The following DDX4 variants were observed in gnomAD, a reference collection of about 807,000 sequenced individuals.
DDX4 encodes the protein DEAD-box helicase 4.
A neutral mutation model predicts 100.0 loss-of-function variants in DDX4; 25 were observed. The ratio of observed to expected loss-of-function variants is 0.25; its 90% confidence interval spans 0.18 to 0.35. The LOEUF is 0.35. DDX4 is among the 10% of genes least tolerant of loss of function. The probability of loss-of-function intolerance (pLI) is 1.00; values close to 1 mark genes in which losing one functional copy is unlikely to be tolerated. For missense variants in DDX4, 635 were observed against 882.4 expected (o/e 0.72, Z 3.55); for synonymous variants, 259 against 275.7 (o/e 0.94, Z 0.60).
intron 18 of DDX4, among the ~76,000 whole-genome samples, chr5:55,806,248 A>G (rs1215632952): frequency 7.9e-5 from 12 of 151,788 alleles, no homozygotes; most frequent in Admixed American, 7.9e-4. Context: ...CAGTCTGTCA[A>G]TTTTGTTGAT....
At chr5:55,795,698 A>G in intron 17 of DDX4, among the ~76,000 whole-genome samples, 1 of 152,166 alleles carries the variant, frequency 6.6e-6, no homozygotes, top group Non-Finnish European at 1.5e-5. Context: ...TCTTGAGCCC[A>G]GGAAGTTGAG....
At chr5:55,767,136 A>T (rs1487456635) in intron 6 of DDX4, among the ~76,000 whole-genome samples, 2 of 152,204 alleles carry the variant, frequency 1.3e-5, no homozygotes, top group Non-Finnish European at 2.9e-5. Flanking sequence ...AAATGTCTTG[A>T]GTTTATTAAG....
At chr5:55,777,033 A>G (rs943106483) in intron 7 of DDX4, among the ~76,000 whole-genome samples, 3 of 152,198 alleles carry the variant, frequency 2.0e-5, no homozygotes, top group Non-Finnish European at 2.9e-5. Flanking sequence ...CAGAGAAGGG[A>G]TAAGATAAAA....
At chr5:55,750,301 T>C (rs760950964) in intron 3 of DDX4, 4 of 155,054 alleles carry the variant, frequency 2.6e-5, no homozygotes, top group Admixed American at 6.5e-5. Context: ...CTTGATCTTA[T>C]TGGCAGCAGT....
chr5:55,794,714 T>C (rs1742814013), intron 17 of DDX4, among the ~76,000 whole-genome samples: 1 of 152,218 alleles, frequency 6.6e-6, no homozygotes, highest in Non-Finnish European at 1.5e-5. Flanking sequence ...TCTGGGGATA[T>C]ATGTTAAACA....
chr5:55,750,649 TG>T (rs769023653), intron 3 of DDX4, among the ~76,000 whole-genome samples: 1 of 152,130 alleles, frequency 6.6e-6, no homozygotes, highest in Non-Finnish European at 1.5e-5. Context: ...CATAACTAAT[TG>T]AAGGCAGGCT....
At chr5:55,752,326 C>A (rs1360471040) in intron 3 of DDX4, among the ~76,000 whole-genome samples, 1 of 114,628 alleles carries the variant, frequency 8.7e-6, no homozygotes, top group African/African-American at 3.3e-5. Flanking sequence ...AATGCTATCC[C>A]TCCCCCCTCC....
intron 14 of DDX4, among the ~76,000 whole-genome samples, chr5:55,786,998 T>G (rs1742286666): frequency 6.6e-6 from 1 of 152,230 alleles, no homozygotes; most frequent in Admixed American, 6.5e-5. Flanking sequence ...ATTTCTGTAT[T>G]ATAGCTGGTA....
intron 16 of DDX4, among the ~76,000 whole-genome samples, chr5:55,791,006 A>G (rs1046789081): frequency 6.6e-6 from 1 of 152,222 alleles, no homozygotes; most frequent in African/African-American, 2.4e-5. Flanking sequence ...CAGAATCCAT[A>G]TTCTACATCC....
At position 55,792,766 on chromosome 5, in the gene DDX4, A is replaced by G; in HGVS notation, c.1428A>G (p.Gln476=). 1.3e-6 allele frequency: 2 copies of G among 1,581,656 alleles called. No homozygotes were observed. Among genetic ancestry groups the G allele is most frequent in the South Asian group, 1.2e-5 (1 of 85,218 alleles). ...CPGMPSKEQR[Q]TLMFSATFPE... is the part of the protein sequence containing the mutation. ...GAATGCCATCAAAGGAACAGCGCCA[A>G]ACCCTTATGTTCAGTGCAACTTTTC... is the stretch of plus-strand genomic sequence containing the variant. The change falls in exon 17 of 22, where the codon CAA becomes CAG. Residue 476 remains glutamine, a synonymous_variant. Transcript: ENST00000505374.
chr5:55,781,328 ATTAT>A (rs764745387), intron 9 of DDX4, among the ~76,000 whole-genome samples, 182 bp downstream of exon 9: 39 of 152,340 alleles, frequency 2.6e-4, no homozygotes, highest in East Asian at 3.9e-4. Context: ...TGCAATGTGA[ATTAT>A]TTATTCTGTG....
intron 2 of DDX4, chr5:55,742,194 T>G (rs1422831558): frequency 8.8e-6 from 4 of 456,162 alleles, no homozygotes; most frequent in Non-Finnish European, 1.8e-5. Context: ...ATCTCAACCA[T>G]TAGGCATTTG....
intron 17 of DDX4, among the ~76,000 whole-genome samples, chr5:55,796,880 C>A (rs1460462542): frequency 8.6e-6 from 1 of 116,238 alleles, no homozygotes; most frequent in Non-Finnish European, 1.7e-5. Flanking sequence ...TCACTCTTCT[C>A]GCCCAGGCTG....
At chr5:55,776,426 G>A (rs897168351) in intron 7 of DDX4, among the ~76,000 whole-genome samples, 1 of 152,146 alleles carries the variant, frequency 6.6e-6, no homozygotes, top group Non-Finnish European at 1.5e-5. Context: ...GAGTTAGAGA[G>A]GCACAAGAGT....
rs976643444 is a variant in DDX4 at position 55,786,766 on chromosome 5, A to G, written c.1017+96A>G. 6.4e-6 allele frequency: 6 copies of G among 940,454 alleles called. No homozygotes were observed. In the African/African-American group the frequency reaches 8.3e-5, roughly 13 times the overall value. The allele number at this position is 940,454 out of a possible 1,614,324, so 58.3% of individuals were successfully genotyped here. ...CTTCTTTTGAGTAGAAGGTTTGTAG[A>G]TGGTTTCAGTTACCTGTCATAAGTA... On this transcript the variant is annotated intron_variant, in intron 14 of 21. Transcript: ENST00000505374.
intron 18 of DDX4, among the ~76,000 whole-genome samples, chr5:55,804,335 C>T (rs1485880550): frequency 1.3e-5 from 2 of 151,272 alleles, no homozygotes; most frequent in Non-Finnish European, 3.0e-5. Context: ...AATTAGATCC[C>T]ATTTGTCAAT....
At chr5:55,750,380 T>C (rs971420881) in intron 3 of DDX4, 2 of 153,492 alleles carry the variant, frequency 1.3e-5, no homozygotes, top group African/African-American at 4.8e-5. Flanking sequence ...CCTTGGTGAA[T>C]TTTCAGGAAT....
rs375214859 is a variant in DDX4 at position 55,766,072 on chromosome 5, C to G, written c.335-1809C>G. Among the ~76,000 whole-genome samples the G allele has an allele frequency of 9.9e-5, 15 of 151,726 alleles. No homozygotes were observed. The East Asian group carries it at 2.7e-3, about 27-fold the overall frequency. On this transcript the variant is annotated intron_variant, in intron 6 of 21. Transcript: ENST00000505374. ...GACCTCACGATCTGCCTGCCTCGGC[C>G]TCCCACAGTGCTAGGATTACAGGCA...
intron 18 of DDX4, among the ~76,000 whole-genome samples, chr5:55,805,230 C>G (rs542463953): frequency 6.6e-6 from 1 of 151,872 alleles, no homozygotes; most frequent in Non-Finnish European, 1.5e-5. Context: ...TGGGCTGAGA[C>G]GATGGGGTTT....
Sources: allele counts gnomAD v4.1 joint callset (sites outside exome capture counted in the v4.1 genomes callset), GRCh38; gene constraint gnomAD v4.1.1; transcripts MANE v1.5; gene names NCBI Gene and HGNC (gene_info 2026-07-23, HGNC 2026-07-21).